DSCAML1: variants seen among roughly 807,000 people sequenced by gnomAD.
The protein encoded by DSCAML1 is cell adhesion molecule DSCAML1.
DSCAML1 carries 38 observed loss-of-function variants against 200.5 expected under a neutral mutation model. The observed-to-expected ratio is 0.19, with a 90% CI of 0.15 to 0.25. The LOEUF is 0.25. Among genes scored for constraint, DSCAML1 ranks in the 10% least tolerant of loss-of-function variants. The pLI is 1.00. For synonymous variants in DSCAML1, 1,215 were observed against 1,165.0 expected (o/e 1.04, Z -0.87); for missense variants, 2,223 against 2,858.8 (o/e 0.78, Z 5.07).
intron 26 of DSCAML1, among the ~76,000 whole-genome samples, chr11:117,436,382 A>T (rs1395351285): frequency 6.6e-6 from 1 of 151,978 alleles, no homozygotes; most frequent in Non-Finnish European, 1.5e-5. Flanking sequence ...CTTAAGAGTC[A>T]CCTCCTTCAT....
chr11:117,623,807 T>C (rs1293154501), intron 3 of DSCAML1, among the ~76,000 whole-genome samples: 4 of 152,212 alleles, frequency 2.6e-5, no homozygotes, highest in Non-Finnish European at 2.9e-5. Flanking sequence ...ATAGACGAGG[T>C]AGCCCAAGAT....
chr11:117,571,888 A>C (rs1053472198), intron 3 of DSCAML1, among the ~76,000 whole-genome samples: 1 of 152,174 alleles, frequency 6.6e-6, no homozygotes, highest in African/African-American at 2.4e-5. Flanking sequence ...AAACCCACCA[A>C]AACCAAGATG....
chr11:117,472,697 T>G (rs2048709714), intron 14 of DSCAML1, among the ~76,000 whole-genome samples: 1 of 152,196 alleles, frequency 6.6e-6, no homozygotes, highest in Non-Finnish European at 1.5e-5. Flanking sequence ...GGGAGACTGG[T>G]AGTCTATCTC....
rs760927145 is a variant in DSCAML1 at position 117,516,635 on chromosome 11, A to G, written c.1615T>C (p.Tyr539His). ...TCTGGCAGCAGCAGGGCATCCTTGT[A>G]CCACTTGATGGAGTAGTAGGGATAG... ...IGYPYYSIKW[Y>H]KDALLLPDNH... Residue 539 changes from tyrosine to histidine, a missense_variant, in exon 8 of 33, where the codon TAC becomes CAC. Around this residue, in one of 7 missense-constraint regions of DSCAML1, gnomAD observed 212 missense variants for 368.0 expected, o/e 0.58. Coordinates refer to ENST00000651296, the MANE Select transcript of DSCAML1 (RefSeq NM_020693.4). This position sits in a 1 kb window ranked among gnomAD's most constrained non-coding sequence, Gnocchi z 5.7. 3.1e-6 allele frequency: 5 copies of G among 1,613,938 alleles called. No individual in the cohort carries two copies.
chr11:117,679,845 C>A (rs2053282397), intron 3 of DSCAML1, among the ~76,000 whole-genome samples: 1 of 152,214 alleles, frequency 6.6e-6, no homozygotes, highest in South Asian at 2.1e-4. Context: ...CCAGGAAGAG[C>A]AGTCCCTCCA....
chr11:117,711,140 T>C (rs556654925), intron 3 of DSCAML1, among the ~76,000 whole-genome samples: 1 of 152,292 alleles, frequency 6.6e-6, no homozygotes, highest in South Asian at 2.1e-4. Flanking sequence ...ACAGGCTTTT[T>C]CCTTTATGCC....
At chr11:117,727,848 G>A (rs149074556) in intron 3 of DSCAML1, among the ~76,000 whole-genome samples, 21 of 152,336 alleles carry the variant, frequency 1.4e-4, no homozygotes, top group African/African-American at 4.3e-4. Flanking sequence ...TGAGCCAAGC[G>A]TAAAAGACAA....
At chr11:117,445,516 T>C (rs2048160647) in intron 20 of DSCAML1, among the ~76,000 whole-genome samples, 3 of 152,212 alleles carry the variant, frequency 2.0e-5, no homozygotes, top group Admixed American at 1.3e-4. Context: ...TGCCCATAGT[T>C]TCTGGACGCT....
intron 3 of DSCAML1, among the ~76,000 whole-genome samples, chr11:117,686,649 C>A (rs1565874152): frequency 6.6e-6 from 1 of 152,212 alleles, no homozygotes; most frequent in Non-Finnish European, 1.5e-5. Context: ...CTTCAAGAGT[C>A]CTTTCCGGTG....
chr11:117,603,971 T>C (rs544066916), intron 3 of DSCAML1, among the ~76,000 whole-genome samples: 2 of 152,340 alleles, frequency 1.3e-5, no homozygotes, highest in South Asian at 4.1e-4. Flanking sequence ...TTCCATTTAA[T>C]TGATGGGAGC....
rs183603965 is a variant in DSCAML1, at chr11:117,674,902, T to C, written c.511+101889A>G. 2.0e-5 allele frequency among the ~76,000 whole-genome samples: 3 copies of C among 152,200 alleles called. 1 individual carries two copies. In the East Asian group the frequency reaches 5.8e-4, roughly 29 times the overall value. On this transcript the variant is annotated intron_variant, in intron 3 of 32. Transcript: ENST00000651296. ...TCCCTGGATGCTTGTCCTATAGGGA[T>C]CCTAAGAACCACATGGAATGATCTG... is the stretch of plus-strand genomic sequence containing the variant.
At chr11:117,694,043 T>G (rs2137726082) in intron 3 of DSCAML1, among the ~76,000 whole-genome samples, 1 of 140,108 alleles carries the variant, frequency 7.1e-6, no homozygotes, top group Admixed American at 7.4e-5. Flanking sequence ...CTCTGTCATT[T>G]TTAGGTTCTA....
intron 3 of DSCAML1, among the ~76,000 whole-genome samples, chr11:117,553,043 TG>T (rs1206869666): frequency 6.6e-6 from 1 of 152,202 alleles, no homozygotes; most frequent in African/African-American, 2.4e-5. Flanking sequence ...CCGCCTGTTC[TG>T]GGTGATGAGA....
At chr11:117,686,661 G>A (rs1230814452) in intron 3 of DSCAML1, among the ~76,000 whole-genome samples, 3 of 152,256 alleles carry the variant, frequency 2.0e-5, no homozygotes, top group African/African-American at 4.8e-5. Context: ...TTTCCGGTGG[G>A]CACCTGCATA....
rs569926415 is a variant in DSCAML1 at position 117,461,380 on chromosome 11, C to T, written c.3412+70G>A. 6.8e-4 allele frequency: 1,093 copies of T among 1,599,990 alleles called. 2 individuals are homozygous for T. Among genetic ancestry groups the T allele is most frequent in the Middle Eastern group, 8.3e-4 (5 of 6,002 alleles). On this transcript the variant is annotated intron_variant, in intron 18 of 32. Coordinates refer to ENST00000651296, the MANE Select transcript of DSCAML1 (RefSeq NM_020693.4). ...GTGGGAGGATGCTCAGCTCTAACTA[C>T]GCCTGGAAGCAGACTCCACTGACCT...
Position 117,468,906 on chromosome 11 carries a change from G to A in DSCAML1, c.3024+1004C>T, listed in dbSNP as rs151028210. On this transcript the variant is annotated intron_variant, in intron 16 of 32. Coordinates refer to ENST00000651296, the MANE Select transcript of DSCAML1 (RefSeq NM_020693.4). ...AGCACCTGGGCTTTTCCTGTCAGGC[G>A]GAGAGTCAGAAAGTCACCGTGGACA... Among the ~76,000 whole-genome samples the A allele has an allele frequency of 2.5e-3, 387 of 152,304 alleles. 1 individual carries two copies. The highest frequency in any genetic ancestry group is 8.2e-3 in the African/African-American group (341 of 41,552).
intron 3 of DSCAML1, among the ~76,000 whole-genome samples, chr11:117,774,940 C>T (rs2055105415): frequency 1.3e-5 from 2 of 152,098 alleles, no homozygotes; most frequent in South Asian, 4.2e-4. Context: ...TTTCTGAGCC[C>T]TGTACCTGGG....
At chr11:117,713,161 A>G (rs1193537099) in intron 3 of DSCAML1, among the ~76,000 whole-genome samples, 2 of 151,948 alleles carry the variant, frequency 1.3e-5, no homozygotes, top group Non-Finnish European at 2.9e-5. Flanking sequence ...TAACGGCATG[A>G]CCTCGGCTCA....
chr11:117,704,434 C>T (rs115907061), intron 3 of DSCAML1, among the ~76,000 whole-genome samples: 275 of 152,152 alleles, frequency 1.8e-3, no homozygotes, highest in African/African-American at 6.1e-3. Flanking sequence ...TGTGTGCACG[C>T]GCGCACACAC....
Sources: allele counts gnomAD v4.1 joint callset (sites outside exome capture counted in the v4.1 genomes callset), GRCh38; gene constraint gnomAD v4.1.1; regional missense constraint gnomAD v4.1.1; non-coding constraint Gnocchi (gnomAD v3.1); transcripts MANE v1.5; gene names NCBI Gene and HGNC (gene_info 2026-07-23, HGNC 2026-07-21).